Variants in IRF8 observed in about 807,000 individuals in gnomAD.
IRF8 encodes the protein interferon consensus sequence binding protein 1.
IRF8 carries 14 observed loss-of-function variants against 48.7 expected under a neutral mutation model. The ratio of observed to expected loss-of-function variants is 0.29; its 90% CI spans 0.19 to 0.45. The LOEUF (loss-of-function observed/expected upper bound fraction) is 0.45, where lower values mean the gene tolerates loss of function less well. Ranked by LOEUF, IRF8 falls within the 20% of genes least tolerant of loss-of-function variation. The probability of loss-of-function intolerance (pLI) is 1.00; values close to 1 mark genes in which losing one functional copy is unlikely to be tolerated. For missense variants in IRF8, 493 were observed against 580.7 expected, an observed-to-expected ratio of 0.85 and a Z score of 1.55; for synonymous variants, 278 against 227.3, an observed-to-expected ratio of 1.22 and a Z score of -2.01.
intron 6 of IRF8, among the ~76,000 whole-genome samples, chr16:85,917,120 G>A (rs1905336005): frequency 6.6e-6 from 1 of 152,194 alleles, no homozygotes; most frequent in Admixed American, 6.5e-5. Flanking sequence ...AGCAGTGTCA[G>A]CAGGGAATGC....
intron 6 of IRF8, among the ~76,000 whole-genome samples, chr16:85,917,668 A>T (rs1905360657): frequency 6.6e-6 from 1 of 152,236 alleles, no homozygotes; most frequent in African/African-American, 2.4e-5. Context: ...ATTATTCAAA[A>T]GGGAGGTTGA....
At chr16:85,919,379 A>T (rs1269465129) in intron 7 of IRF8, among the ~76,000 whole-genome samples, 1 of 152,046 alleles carries the variant, frequency 6.6e-6, no homozygotes, top group African/African-American at 2.4e-5. Flanking sequence ...CCACGTCCCC[A>T]TGCTCTCTGC....
At chr16:85,916,931 G>C (rs1406231849) in intron 6 of IRF8, among the ~76,000 whole-genome samples, 1 of 152,208 alleles carries the variant, frequency 6.6e-6, no homozygotes, top group Admixed American at 6.5e-5. Flanking sequence ...TCAGTTTCCT[G>C]AAGTGTCAAA....
intron 3 of IRF8, among the ~76,000 whole-genome samples, chr16:85,910,611 G>A (rs1424301529): frequency 1.3e-5 from 2 of 152,154 alleles, no homozygotes; most frequent in African/African-American, 4.8e-5. Context: ...TTTATAGCAT[G>A]GGGTGCAGCC....
At chr16:85,918,033 G>A (rs1905375276) in intron 6 of IRF8, among the ~76,000 whole-genome samples, 3 of 152,202 alleles carry the variant, frequency 2.0e-5, no homozygotes. Context: ...GCAGACCGCA[G>A]TGCCCTTGGC....
chr16:85,915,799 G>A (rs1294040046), intron 6 of IRF8, among the ~76,000 whole-genome samples: 2 of 152,214 alleles, frequency 1.3e-5, no homozygotes, highest in African/African-American at 2.4e-5. Flanking sequence ...GAGCCATCTC[G>A]GTGAGATGCA....
At chr16:85,915,665 G>C (rs305071) in intron 6 of IRF8, among the ~76,000 whole-genome samples, 8 of 152,122 alleles carry the variant, frequency 5.3e-5, no homozygotes, top group Non-Finnish European at 8.8e-5. Flanking sequence ...TGCTCACAGG[G>C]TCTCAGTTCT....
Position 85,921,644 on chromosome 16 carries a change from G to T in IRF8, c.*362G>T. 1 of 269,342 alleles carries T rather than the reference G, an allele frequency of 3.7e-6. No individual in the cohort carries two copies. Among genetic ancestry groups the T allele is most frequent in the Non-Finnish European group, 7.2e-6 (1 of 138,328 alleles). The allele number at this position is 269,342 out of a possible 1,614,324, so 16.7% of individuals were successfully genotyped here. ...TTAGCAGATAGCTGCTTCGATAAAG[G>T]AATTTGGAGTTTAAAAATCAACTTG... is the stretch of plus-strand genomic sequence containing the variant. On this transcript the variant is annotated 3_prime_UTR_variant, in exon 9 of 9. Transcript: ENST00000268638.
At chr16:85,908,703 G>C (rs1206218024) in intron 2 of IRF8, among the ~76,000 whole-genome samples, 1 of 152,192 alleles carries the variant, frequency 6.6e-6, no homozygotes, top group Non-Finnish European at 1.5e-5. Flanking sequence ...TGGCTAAAAG[G>C]TGCACTCCAG....
intron 3 of IRF8, chr16:85,909,473 T>A (rs1905086114): frequency 7.2e-6 from 3 of 413,944 alleles, no homozygotes; most frequent in Non-Finnish European, 1.4e-5. Context: ...AGGAATCCTT[T>A]CATTTTCCAG....
chr16:85,909,388 C>G, intron 3 of IRF8: 1 of 574,958 alleles, frequency 1.7e-6, no homozygotes, highest in South Asian at 2.0e-5. Context: ...AACCTGTGCC[C>G]CACTTGCTGC....
At position 85,908,970 on chromosome 16, in the gene IRF8, G is replaced by A. The variant is rs767221816; in HGVS notation, c.175-20G>A. The A allele has an allele frequency of 2.5e-6, 4 of 1,610,374 alleles. No homozygotes were observed. The highest frequency in any genetic ancestry group is 2.7e-5 in the African/African-American group (2 of 74,978). ...TTGGAGTCGGCCATGAATTTAATGTGCTTCTGTTTCTTTCTTCAGGCCTGG... is the reference window on the plus strand; with the variant it reads ...TTGGAGTCGGCCATGAATTTAATGTACTTCTGTTTCTTTCTTCAGGCCTGG... On this transcript the variant is annotated intron_variant, in intron 2 of 8. Transcript: ENST00000268638.
At position 85,914,249 on chromosome 16, in the gene IRF8, G is replaced by A; in HGVS notation, c.554-224G>A. Reference sequence around the variant, plus strand: ...ATGGTCAGAAATCCCACAGCATAGAGGAAGTCCCCCCGACTTGCCACTCTG... The same window carrying A: ...ATGGTCAGAAATCCCACAGCATAGAAGAAGTCCCCCCGACTTGCCACTCTG... On this transcript the variant is annotated intron_variant, in intron 5 of 8. Transcript: ENST00000268638. 5.0e-6 allele frequency: 3 copies of A among 597,536 alleles called. No individual in the cohort carries two copies. In the South Asian group the frequency reaches 5.6e-5, roughly 11 times the overall value. The allele number at this position is 597,536 out of a possible 1,614,324, so 37.0% of individuals were successfully genotyped here.
intron 2 of IRF8, among the ~76,000 whole-genome samples, chr16:85,905,520 A>C (rs997196985): frequency 3.3e-5 from 5 of 152,362 alleles, no homozygotes; most frequent in Middle Eastern, 3.4e-3. Context: ...TCTCAGCAGG[A>C]ATGGGGCCAG....
chr16:85,912,999 C>T (rs1251851586), intron 4 of IRF8, 132 bp from the exon 5 acceptor site: 2 of 798,576 alleles, frequency 2.5e-6, no homozygotes, highest in East Asian at 4.9e-5. Context: ...TGAAACTTGA[C>T]TTTTGTCTCC....
At chr16:85,919,551 C>T (rs901862737) in intron 7 of IRF8, among the ~76,000 whole-genome samples, 5 of 152,192 alleles carry the variant, frequency 3.3e-5, no homozygotes, top group Non-Finnish European at 5.9e-5. Context: ...TGTGAGGCCG[C>T]GGTTATCACC....
chr16:85,913,776 G>A (rs978380858), intron 5 of IRF8, among the ~76,000 whole-genome samples: 2 of 152,238 alleles, frequency 1.3e-5, no homozygotes, highest in East Asian at 1.9e-4. Flanking sequence ...TTATTCATCC[G>A]TAAAACAGAG....
chr16:85,908,359 C>T (rs1396517906), intron 2 of IRF8, among the ~76,000 whole-genome samples: 2 of 151,914 alleles, frequency 1.3e-5, no homozygotes, highest in Non-Finnish European at 2.9e-5. Context: ...TAGTTCAGAT[C>T]CTAAGGTTTG....
chr16:85,901,191 A>T (rs567751243), intron 1 of IRF8: 1 of 152,294 alleles, frequency 6.6e-6, no homozygotes, highest in African/African-American at 2.4e-5. Context: ...TATGATAAAC[A>T]CAGTGGCCTG....
Sources: allele counts gnomAD v4.1 joint callset (sites outside exome capture counted in the v4.1 genomes callset), GRCh38; gene constraint gnomAD v4.1.1; transcripts MANE v1.5; gene names NCBI Gene and HGNC (gene_info 2026-07-23, HGNC 2026-07-21).